Variants in ANKRD44 observed in about 807,000 individuals in gnomAD.
The protein encoded by ANKRD44 is ankyrin repeat domain 44, also known as serine/threonine-protein phosphatase 6 regulatory ankyrin repeat subunit B.
A neutral mutation model predicts 116.0 loss-of-function variants in ANKRD44; 35 were observed. The observed-to-expected ratio is 0.30, with a 90% CI of 0.23 to 0.40. The LOEUF is 0.40. Ranked by LOEUF, ANKRD44 falls within the 10% of genes least tolerant of loss-of-function variation. ANKRD44 has a pLI of 1.00. For missense variants in ANKRD44, 1,014 were observed against 1,242.6 expected, an observed-to-expected ratio of 0.82 and a Z score of 2.77; for synonymous variants, 435 against 461.8, an observed-to-expected ratio of 0.94 and a Z score of 0.74.
chr2:197,201,689 T>G lies in ANKRD44; in HGVS notation c.28-14583A>C, dbSNP rs1329019331. 6.6e-6 allele frequency among the ~76,000 whole-genome samples: 1 copy of G among 152,220 alleles called. No homozygotes were observed. Among genetic ancestry groups the G allele is most frequent in the African/African-American group, 2.4e-5 (1 of 41,448 alleles). On this transcript the variant is annotated intron_variant, in intron 1 of 27. Coordinates refer to ENST00000282272, the MANE Select transcript of ANKRD44 (RefSeq NM_001195144.2). This position sits in a 1 kb window ranked among gnomAD's most constrained non-coding sequence, Gnocchi z 4.0. ...TTTGTTTTTGTGTTTTGTGTTTTTA[T>G]TTCAGATGCAGGGGATACATGTGCA... is the stretch of plus-strand genomic sequence containing the variant.
intron 1 of ANKRD44, among the ~76,000 whole-genome samples, chr2:197,262,216 C>T (rs1019999091): frequency 2.0e-5 from 3 of 152,150 alleles, no homozygotes; most frequent in African/African-American, 7.2e-5. Flanking sequence ...AATGGCAGAG[C>T]TTTCTGGCAG....
intron 1 of ANKRD44, chr2:197,299,639 C>T (rs544871771): frequency 1.9e-4 from 29 of 152,204 alleles, no homozygotes; most frequent in African/African-American, 6.3e-4. Flanking sequence ...TATGAAGACA[C>T]GAAGGCATAA....
intron 16 of ANKRD44, among the ~76,000 whole-genome samples, chr2:197,048,587 C>G (rs1212208710): frequency 6.6e-6 from 1 of 152,148 alleles, no homozygotes; most frequent in African/African-American, 2.4e-5. Context: ...TCCAGCCTAT[C>G]ATTGATGGGC....
At chr2:196,989,987 T>TTCAA in intron 27 of ANKRD44, 1 of 1,045,534 alleles carries the variant, frequency 9.6e-7, no homozygotes, top group Non-Finnish European at 1.2e-6. Flanking sequence ...TAAATTTGGG[T>TTCAA]TCAATCACTT....
At chr2:197,301,863 TA>T (rs1264876320) in intron 1 of ANKRD44, among the ~76,000 whole-genome samples, 1 of 152,240 alleles carries the variant, frequency 6.6e-6, no homozygotes, top group Non-Finnish European at 1.5e-5. Context: ...TTTTGGTTTT[TA>T]AAATGGGGGG....
chr2:197,102,960 T>G (rs1477157775), intron 9 of ANKRD44, among the ~76,000 whole-genome samples: 2 of 152,148 alleles, frequency 1.3e-5, no homozygotes, highest in Non-Finnish European at 2.9e-5. Flanking sequence ...CGGGGCGTGG[T>G]GGCTCATGCC....
chr2:197,127,584 T>C (rs1037324652), intron 4 of ANKRD44, among the ~76,000 whole-genome samples: 10 of 152,084 alleles, frequency 6.6e-5, no homozygotes, highest in African/African-American at 2.4e-4. Context: ...ATATACAAGG[T>C]AAAAAAGAAA....
At chr2:197,040,688 G>C (rs2076894912) in intron 16 of ANKRD44, among the ~76,000 whole-genome samples, 1 of 151,986 alleles carries the variant, frequency 6.6e-6, no homozygotes, top group South Asian at 2.1e-4. Flanking sequence ...GTTTCCAGCA[G>C]GGATAAAAGT....
chr2:197,258,270 C>CTTTTTTTCTT (rs2082505876), intron 1 of ANKRD44, among the ~76,000 whole-genome samples: 2 of 79,222 alleles, frequency 2.5e-5, no homozygotes, highest in Non-Finnish European at 4.4e-5. Context: ...TTGGCTAATC[C>CTTTTTTTCTT]TTTTTTTTTT....
rs1328913326 is a variant in ANKRD44 at position 196,967,206 on chromosome 2, A to T, written c.*233T>A. On this transcript the variant is annotated 3_prime_UTR_variant, in exon 22 of 22. Transcript: ENST00000424317. ...CAACACCCTTGCCTTCTGTTTTCTA[A>T]GGGAAAGAGGAATTTCCAGTATCTT... The T allele has an allele frequency of 2.6e-5, 6 of 230,536 alleles. No homozygotes were observed. In the East Asian group the frequency reaches 5.1e-4, roughly 20 times the overall value. The allele number at this position is 230,536 out of a possible 1,614,324, so 14.3% of individuals were successfully genotyped here. A position where few individuals can be genotyped will look rare whatever the true frequency, so the allele number is the denominator to read the frequency against.
chr2:196,971,916 G>A (rs1317390943), intron 21 of ANKRD44, among the ~76,000 whole-genome samples: 1 of 152,194 alleles, frequency 6.6e-6, no homozygotes, highest in East Asian at 1.9e-4. Flanking sequence ...GAGGTCCTGA[G>A]CCCACTTACA....
chr2:197,310,529 C>A, intron 1 of ANKRD44, 49 bp downstream of exon 1: 1 of 1,033,832 alleles, frequency 9.7e-7, no homozygotes, highest in South Asian at 3.9e-5. Context: ...CCGGGCTCCG[C>A]GCCGCCCCGC....
intron 16 of ANKRD44, among the ~76,000 whole-genome samples, chr2:197,043,376 TA>T (rs1324321328): frequency 6.6e-6 from 1 of 152,206 alleles, no homozygotes; most frequent in Admixed American, 6.5e-5. Context: ...CAAGGCTTTT[TA>T]AAAATTTTTT....
intron 2 of ANKRD44, among the ~76,000 whole-genome samples, chr2:197,159,306 A>G (rs1478427576): frequency 1.3e-5 from 2 of 152,226 alleles, no homozygotes; most frequent in African/African-American, 4.8e-5. Context: ...AAAATCAACA[A>G]TGCAGTTTTC....
intron 4 of ANKRD44, chr2:197,133,832 G>A (rs1054274135): frequency 6.6e-6 from 1 of 151,852 alleles, no homozygotes; most frequent in South Asian, 2.1e-4. Flanking sequence ...CTGAATTTAG[G>A]ACTTCCACAG....
intron 1 of ANKRD44, among the ~76,000 whole-genome samples, chr2:197,200,035 A>G (rs1368494362): frequency 6.6e-6 from 1 of 152,240 alleles, no homozygotes; most frequent in Non-Finnish European, 1.5e-5. Flanking sequence ...TTTATGAAAT[A>G]TACAAAAGAA....
intron 3 of ANKRD44, among the ~76,000 whole-genome samples, chr2:197,143,816 G>A (rs2079433354): frequency 6.6e-6 from 1 of 152,078 alleles, no homozygotes; most frequent in Admixed American, 6.6e-5. Context: ...TTTTAGTAGA[G>A]ATGGGTTTCA....
chr2:197,263,788 C>G (rs2082671383), intron 1 of ANKRD44, among the ~76,000 whole-genome samples: 1 of 59,140 alleles, frequency 1.7e-5, no homozygotes, highest in Non-Finnish European at 3.5e-5. Context: ...TCCTAGCTGT[C>G]TCCCCAGGAT....
At chr2:197,240,032 T>C (rs1327475420) in intron 1 of ANKRD44, among the ~76,000 whole-genome samples, 2 of 152,128 alleles carry the variant, frequency 1.3e-5, no homozygotes, top group African/African-American at 4.8e-5. Context: ...AAAATAAGAA[T>C]AGTTGAATTA....
Sources: allele counts gnomAD v4.1 joint callset (sites outside exome capture counted in the v4.1 genomes callset), GRCh38; gene constraint gnomAD v4.1.1; non-coding constraint Gnocchi (gnomAD v3.1); transcripts MANE v1.5; gene names NCBI Gene and HGNC (gene_info 2026-07-23, HGNC 2026-07-21).